The following NDST4 variants were observed in gnomAD, a reference collection of about 807,000 sequenced individuals.
The protein encoded by NDST4 is N-heparan sulfate sulfotransferase 4.
Under a neutral mutation model 100.8 loss-of-function variants are expected in NDST4, and 63 were observed. That is an observed-to-expected ratio of 0.62 (90% CI 0.51 to 0.77). The LOEUF (loss-of-function observed/expected upper bound fraction) is 0.77. Among genes scored for constraint, NDST4 ranks in the 30% least tolerant of loss-of-function variants. The pLI is 0.00. For synonymous variants in NDST4, 377 were observed against 361.8 expected, an observed-to-expected ratio of 1.04 and a Z score of -0.48; for missense variants, 943 against 1,018.4, an observed-to-expected ratio of 0.93 and a Z score of 1.01.
At position 114,829,909 on chromosome 4, in the gene NDST4, A is replaced by G. The variant is rs1357249913; in HGVS notation, c.2397-17T>C. The G allele has an allele frequency of 1.3e-6, 2 of 1,561,764 alleles. No homozygotes were observed. Among genetic ancestry groups the G allele is most frequent in the African/African-American group, 1.4e-5 (1 of 73,218 alleles). ...GGATCAAACCTACAGTACATAAAAC[A>G]TAATGATTACAAATTGTATGCAGAA... On this transcript the variant is annotated splice_polypyrimidine_tract_variant and intron_variant, in intron 12 of 13. Transcript: ENST00000264363.
chr4:115,035,501 G>A (rs1008625524), intron 2 of NDST4, among the ~76,000 whole-genome samples: 4 of 151,864 alleles, frequency 2.6e-5, no homozygotes, highest in East Asian at 1.9e-4. Context: ...GGGGAAGTAG[G>A]AATAATAAAA....
intron 2 of NDST4, among the ~76,000 whole-genome samples, chr4:115,068,568 G>A (rs1046156460): frequency 2.0e-5 from 3 of 151,592 alleles, no homozygotes; most frequent in Admixed American, 2.0e-4. Context: ...CAGCACTTTG[G>A]GAGGCTGAGG....
At chr4:115,106,811 C>G (rs766962396) in intron 1 of NDST4, among the ~76,000 whole-genome samples, 37 of 152,016 alleles carry the variant, frequency 2.4e-4, no homozygotes, top group Non-Finnish European at 4.7e-4. Flanking sequence ...TTACCGCCAC[C>G]AATTTGGGAG....
intron 6 of NDST4, among the ~76,000 whole-genome samples, chr4:114,904,198 A>G (rs1724903474): frequency 6.6e-6 from 1 of 151,972 alleles, no homozygotes; most frequent in African/African-American, 2.4e-5. Flanking sequence ...TGACCATGAA[A>G]TAATCACTAT....
chr4:115,008,681 C>T lies in NDST4; in HGVS notation c.979-31407G>A, dbSNP rs571530655. Among the ~76,000 whole-genome samples, 2 of 127,398 alleles carry T rather than the reference C, an allele frequency of 1.6e-5. 1 individual carries two copies. Among genetic ancestry groups the T allele is most frequent in the Admixed American group, 1.6e-4 (2 of 12,376 alleles). The allele number at this position is 127,398 out of a possible 152,430, so 83.6% of individuals were successfully genotyped here. A position where few individuals can be genotyped will look rare whatever the true frequency, so the allele number is the denominator to read the frequency against. The stretch of plus-strand genomic sequence containing the variant: ...TCAACATAGTGTTGGAAGTTCTGGC[C>T]AGGACAATTAGGCAGGAGAAGGAAA... On this transcript the variant is annotated intron_variant, in intron 2 of 13. Coordinates refer to ENST00000264363, the MANE Select transcript of NDST4 (RefSeq NM_022569.3).
At chr4:115,105,593 T>C (rs940839457) in intron 1 of NDST4, among the ~76,000 whole-genome samples, 1 of 152,116 alleles carries the variant, frequency 6.6e-6, no homozygotes, top group Non-Finnish European at 1.5e-5. Flanking sequence ...CCATACTTCT[T>C]ATAGTGCGAC....
intron 4 of NDST4, among the ~76,000 whole-genome samples, chr4:114,964,616 T>C (rs1043403242): frequency 6.6e-6 from 1 of 152,170 alleles, no homozygotes; most frequent in South Asian, 2.1e-4. Context: ...GTAAGAACAA[T>C]TAACATGATA....
At chr4:114,862,773 G>A (rs2126193495) in intron 7 of NDST4, among the ~76,000 whole-genome samples, 1 of 152,158 alleles carries the variant, frequency 6.6e-6, no homozygotes, top group East Asian at 1.9e-4. Context: ...GCTTTTTGGG[G>A]GAAGAGGATG....
intron 6 of NDST4, among the ~76,000 whole-genome samples, chr4:114,892,510 C>T (rs1385355800): frequency 1.3e-5 from 2 of 152,046 alleles, no homozygotes; most frequent in African/African-American, 4.8e-5. Flanking sequence ...ATACTTCTGA[C>T]CATCAAAGAT....
chr4:114,938,600 GTTGAC>G (rs1370246929), intron 4 of NDST4, among the ~76,000 whole-genome samples: 2 of 152,180 alleles, frequency 1.3e-5, no homozygotes, highest in South Asian at 2.1e-4. Context: ...ACACAAAAGT[GTTGAC>G]TTGACAATTG....
chr4:114,983,617 T>G (rs2126247654), intron 2 of NDST4, among the ~76,000 whole-genome samples: 1 of 152,306 alleles, frequency 6.6e-6, no homozygotes, highest in Non-Finnish European at 1.5e-5. Context: ...CAGAAGGAAC[T>G]TACTTTGTCT....
chr4:114,973,361 A>G (rs1006450469), intron 3 of NDST4, among the ~76,000 whole-genome samples: 2 of 151,646 alleles, frequency 1.3e-5, no homozygotes, highest in Admixed American at 1.3e-4. Flanking sequence ...TCTGTACCTA[A>G]TATATACTTA....
At chr4:115,037,203 G>A (rs1254281859) in intron 2 of NDST4, among the ~76,000 whole-genome samples, 2 of 152,028 alleles carry the variant, frequency 1.3e-5, no homozygotes, top group Non-Finnish European at 2.9e-5. Flanking sequence ...AGAAGAGAGA[G>A]TAATCTGCAG....
chr4:115,023,957 C>T (rs1727921556), intron 2 of NDST4, among the ~76,000 whole-genome samples: 1 of 146,804 alleles, frequency 6.8e-6, no homozygotes, highest in South Asian at 2.1e-4. Flanking sequence ...CTTGACCAGC[C>T]TAGCCACGCT....
intron 1 of NDST4, among the ~76,000 whole-genome samples, chr4:115,092,864 T>C (rs1560597494): frequency 6.6e-6 from 1 of 152,152 alleles, no homozygotes; most frequent in Non-Finnish European, 1.5e-5. Context: ...AGGTTAGTAA[T>C]CACGTTAAAA....
intron 2 of NDST4, among the ~76,000 whole-genome samples, chr4:114,981,216 TGGAAGGAAGGAAGGAA>T (rs61595600): frequency 0.24 from 32,427 of 137,038 alleles, 3,782 homozygotes; most frequent in East Asian, 0.41. Flanking sequence ...GAAGAAAGGA[TGGAAGGAAGGAAGGAA>T]GGAAGGAAGG....
At chr4:115,108,912 T>A (rs1028352436) in intron 1 of NDST4, among the ~76,000 whole-genome samples, 1 of 150,094 alleles carries the variant, frequency 6.7e-6, no homozygotes, top group Non-Finnish European at 1.5e-5. Flanking sequence ...CAAGAGAGCA[T>A]GTAAGCTGAA....
chr4:114,834,579 C>T (rs1723271859), intron 11 of NDST4, among the ~76,000 whole-genome samples: 1 of 150,408 alleles, frequency 6.6e-6, no homozygotes, highest in African/African-American at 2.4e-5. Context: ...GCTACTAGGG[C>T]TTCAATTTGC....
At chr4:115,048,159 A>T (rs1245784685) in intron 2 of NDST4, among the ~76,000 whole-genome samples, 1 of 151,202 alleles carries the variant, frequency 6.6e-6, no homozygotes, top group Non-Finnish European at 1.5e-5. Flanking sequence ...ATAGGTCTTT[A>T]AGGTTTTTAA....
Sources: gnomAD v4.1 joint callset for allele counts (sites outside exome capture counted in the v4.1 genomes callset) on GRCh38, gnomAD v4.1.1 for gene constraint, MANE v1.5 for transcripts, NCBI Gene and HGNC (gene_info 2026-07-23, HGNC 2026-07-21) for gene names.